The following MCCC1 variants were observed in gnomAD, a reference collection of about 807,000 sequenced individuals.
The protein encoded by MCCC1 is methylcrotonoyl-CoA carboxylase subunit alpha, mitochondrial.
In MCCC1, 64 loss-of-function variants were observed where a neutral mutation model predicts 83.8. The observed-to-expected ratio is 0.76, with a 90% CI of 0.62 to 0.94. MCCC1 has a LOEUF of 0.94. MCCC1 is among the 40% of genes least tolerant of loss of function. The pLI, the probability that MCCC1 is intolerant of heterozygous loss-of-function variation, is 0.00. For missense variants in MCCC1, 807 were observed against 904.7 expected (o/e 0.89, Z 1.39); for synonymous variants, 322 against 315.4 (o/e 1.02, Z -0.22).
rs761521333 is a variant in MCCC1, at chr3:183,092,467, C to G, written c.215G>C (p.Gly72Ala). 4 of 1,614,204 alleles carry G rather than the reference C, an allele frequency of 2.5e-6. No homozygotes were observed. Among genetic ancestry groups the G allele is most frequent in the African/African-American group, 2.7e-5 (2 of 75,050 alleles). The stretch of plus-strand genomic sequence containing the variant: ...ACTATAAACCGCCACAGTCTGTACA[C>G]CCAGTTTTTTGGCTGTGCGCATCAC... ...CRVMRTAKKLGVQTVAVYSEA... is the reference protein window; with the variant it reads ...CRVMRTAKKLAVQTVAVYSEA... The change falls in exon 3 of 19, where the codon GGT (glycine) becomes GCT (alanine). Residue 72 changes from glycine to alanine, a missense_variant. Physicochemically the swap from Gly to Ala is moderately conservative, Grantham distance 60. Transcript: ENST00000265594.
chr3:183,068,888 G>A (rs1235246517), intron 7 of MCCC1, among the ~76,000 whole-genome samples: 1 of 152,198 alleles, frequency 6.6e-6, no homozygotes, highest in African/African-American at 2.4e-5. Context: ...CTATACCATA[G>A]CTTAGGTGTG....
At position 183,017,277 on chromosome 3, in the gene MCCC1, T is replaced by G. The variant is rs1711721256; in HGVS notation, c.2038A>C (p.Met680Leu). The G allele has an allele frequency of 6.2e-7, 1 of 1,613,760 alleles. No individual in the cohort carries two copies. The highest frequency in any genetic ancestry group is 1.3e-5 in the African/African-American group (1 of 74,946). The change falls in exon 18 of 19, where the codon ATG becomes CTG. Residue 680 changes from methionine to leucine, a missense_variant. Transcript: ENST00000265594. ...CATGATTTCCTTACCTCCATCTTCA[T>G]GGCGATCATAACCATGAGGGAATCT... ...AGDSLMVMIA[M>L]KMEHTIKSPK...
Position 183,041,608 on chromosome 3 carries a change from C to T in MCCC1, c.1226G>A (p.Arg409Gln), listed in dbSNP as rs371219844. The change falls in exon 11 of 19, where the codon CGA becomes CAA. Residue 409 changes from arginine (R) to glutamine (Q), a missense_variant. Physicochemically the swap from Arg to Gln is conservative, Grantham distance 43. Transcript: ENST00000265594. The stretch of plus-strand genomic sequence containing the variant: ...TTCAATCCTGGTGGAAGGGTCTGCT[C>T]GAGGAGTAGAGAGGTGCACTAATGG... ...AGPLVHLSTP[R>Q]ADPSTRIETG... is the part of the protein sequence containing the mutation. The T allele has an allele frequency of 3.7e-6, 6 of 1,614,078 alleles. No homozygotes were observed. Among genetic ancestry groups the T allele is most frequent in the Admixed American group, 1.7e-5 (1 of 60,008 alleles).
chr3:183,040,156 A>C (rs545721294), intron 11 of MCCC1, among the ~76,000 whole-genome samples: 1 of 151,332 alleles, frequency 6.6e-6, no homozygotes, highest in East Asian at 1.9e-4. Context: ...AAGCAGAGTT[A>C]AGATGCTTTG....
intron 10 of MCCC1, among the ~76,000 whole-genome samples, chr3:183,044,416 C>G (rs553347512): frequency 6.6e-6 from 1 of 152,322 alleles, no homozygotes; most frequent in Non-Finnish European, 1.5e-5. Context: ...TTGAAAAATA[C>G]AGTAGGCATG....
intron 11 of MCCC1, 145 bp downstream of exon 11, chr3:183,041,422 T>A: frequency 1.2e-6 from 1 of 869,398 alleles, no homozygotes; most frequent in Non-Finnish European, 1.8e-6. Context: ...AGGCAAAAAG[T>A]AATGGTTACT....
intron 4 of MCCC1, among the ~76,000 whole-genome samples, chr3:183,086,356 T>G (rs1045285848): frequency 5.9e-5 from 9 of 152,334 alleles, no homozygotes; most frequent in East Asian, 1.9e-4. Context: ...CTTGCTTATA[T>G]TTTACCTTGT....
At chr3:183,047,774 A>C (rs1714663047) in intron 9 of MCCC1, among the ~76,000 whole-genome samples, 1 of 152,138 alleles carries the variant, frequency 6.6e-6, no homozygotes, top group Non-Finnish European at 1.5e-5. Context: ...TGACAACAGA[A>C]ACTTCCAATT....
chr3:183,081,653 C>T lies in MCCC1; in HGVS notation c.369+5040G>A, dbSNP rs116832877. 2.7e-3 allele frequency among the ~76,000 whole-genome samples: 404 copies of T among 152,326 alleles called. 4 individuals carry two copies. The highest frequency in any genetic ancestry group is 0.01 in the Middle Eastern group (3 of 294). On this transcript the variant is annotated intron_variant, in intron 4 of 18. Coordinates refer to ENST00000265594, the MANE Select transcript of MCCC1 (RefSeq NM_020166.5). The stretch of plus-strand genomic sequence containing the variant: ...GAGGTGGACATCCAGACCTGCATGA[C>T]TCAGCAAATTTAGGGCACAGGCACA...
chr3:183,039,722 G>A (rs1713909429), intron 11 of MCCC1, among the ~76,000 whole-genome samples: 1 of 152,184 alleles, frequency 6.6e-6, no homozygotes, highest in Non-Finnish European at 1.5e-5. Flanking sequence ...AGGATGTGGT[G>A]TGTTGAAAAG....
chr3:183,102,793 T>G (rs1241888056), upstream of MCCC1, among the ~76,000 whole-genome samples: 1 of 116,792 alleles, frequency 8.6e-6, no homozygotes, highest in African/African-American at 3.7e-5. Flanking sequence ...TTTTTTTTTT[T>G]TTTTTTTTTT....
At chr3:183,082,645 C>T (rs1411531910) in intron 4 of MCCC1, among the ~76,000 whole-genome samples, 1 of 152,182 alleles carries the variant, frequency 6.6e-6, no homozygotes, top group Non-Finnish European at 1.5e-5. Context: ...ACTACAACCT[C>T]TTTCCCAACC....
chr3:183,026,227 A>G (rs919775125), intron 14 of MCCC1, among the ~76,000 whole-genome samples: 3 of 152,106 alleles, frequency 2.0e-5, no homozygotes, highest in African/African-American at 7.2e-5. Context: ...TTTTTTGTAG[A>G]GATGAGGTTT....
Position 183,045,551 on chromosome 3 carries a change from A to G in MCCC1, c.956-11T>C. The G allele has an allele frequency of 6.2e-7, 1 of 1,613,672 alleles. No homozygotes were observed. ...TAAACTCCACAGTCCCTAAAAGGTA[A>G]AAAACAATGGTCATATTCAATAGTG... On this transcript the variant is annotated splice_polypyrimidine_tract_variant and intron_variant, in intron 9 of 18. Transcript: ENST00000265594.
chr3:183,092,282 G>A, intron 3 of MCCC1, 127 bp downstream of exon 3: 1 of 1,099,890 alleles, frequency 9.1e-7, no homozygotes, highest in Non-Finnish European at 1.3e-6. Context: ...TTAGCAGTGA[G>A]CAGTTTGAAC....
Position 183,071,003 on chromosome 3 carries a change from G to C in MCCC1, c.757C>G (p.Pro253Ala). 6.2e-7 allele frequency: 1 copy of C among 1,613,818 alleles called. No individual in the cohort carries two copies. Residue 253 changes from proline (P) to alanine (A), a missense_variant, in exon 7 of 19, where the codon CCG becomes GCG. Pro to Ala is a conservative substitution (Grantham distance 27). Transcript: ENST00000265594. ...AMLIEKFVDT[P>A]RHVEVQVFGD... ...AGAAAAATAAGGCCAACCCACCTCG[G>C]TGTGTCTACAAACTTCTCGATCAGC... is the stretch of plus-strand genomic sequence containing the variant.
chr3:183,066,911 T>A (rs1364041799), intron 7 of MCCC1, among the ~76,000 whole-genome samples: 1 of 152,258 alleles, frequency 6.6e-6, no homozygotes, highest in Non-Finnish European at 1.5e-5. Flanking sequence ...ATGTGCACAC[T>A]CATAAACAAA....
chr3:183,036,953 G>T (rs550006174), intron 13 of MCCC1, among the ~76,000 whole-genome samples: 1 of 152,114 alleles, frequency 6.6e-6, no homozygotes, highest in African/African-American at 2.4e-5. Flanking sequence ...GATTACAGAC[G>T]TGAGCCACCG....
chr3:183,038,938 C>T (rs530463437), intron 12 of MCCC1, 88 bp downstream of exon 12: 113 of 1,184,232 alleles, frequency 9.5e-5, no homozygotes, highest in African/African-American at 8.5e-4. Context: ...AATATGCTGA[C>T]GAGACCAAGG....
Sources: gnomAD v4.1 joint callset for allele counts (sites outside exome capture counted in the v4.1 genomes callset) on GRCh38, gnomAD v4.1.1 for gene constraint, MANE v1.5 for transcripts, NCBI Gene and HGNC (gene_info 2026-07-23, HGNC 2026-07-21) for gene names.